Variants in COL8A2 observed in about 807,000 individuals in gnomAD.
COL8A2 encodes the protein collagen type VIII alpha 2 chain, also known as collagen alpha-2(VIII) chain.
Under a neutral mutation model 24.0 loss-of-function variants are expected in COL8A2, and 16 were observed. That is an observed-to-expected ratio of 0.67 (90% CI 0.45 to 1.01). The LOEUF is 1.01. Among genes scored for constraint, COL8A2 ranks in the 50% least tolerant of loss-of-function variants. The pLI, the probability that COL8A2 is intolerant of heterozygous loss-of-function variation, is 0.00. For missense variants in COL8A2, 818 were observed against 942.4 expected, an observed-to-expected ratio of 0.87 and a Z score of 1.73; for synonymous variants, 466 against 424.5, an observed-to-expected ratio of 1.10 and a Z score of -1.20.
rs752036478 is a variant in COL8A2, at chr1:36,098,005, C to T, written c.1676G>A (p.Gly559Glu). 2.6e-5 allele frequency: 42 copies of T among 1,599,708 alleles called. No individual in the cohort carries two copies. In the Admixed American group the frequency reaches 7.1e-4, roughly 27 times the overall value. The change falls in exon 4 of 4, where the codon GGG becomes GAG. Residue 559 changes from glycine to glutamate, a missense_variant. Around this residue, in one of 3 missense-constraint regions of COL8A2, gnomAD observed 235 missense variants for 297.3 expected, o/e 0.79. Coordinates refer to ENST00000397799, the MANE Select transcript of COL8A2 (RefSeq NM_005202.4). The stretch of plus-strand genomic sequence containing the variant: ...GCCCAGCCCAAACTGTGGCTTGCCC[C>T]CCTTGCCCAGCACGGCACCCTCCAC... ...GGVEGAVLGK[G>E]GKPQFGLGEL...
intron 2 of COL8A2, among the ~76,000 whole-genome samples, chr1:36,109,447 C>T (rs1355337722): frequency 6.6e-6 from 1 of 152,202 alleles, no homozygotes. Context: ...CCAGGCAGCC[C>T]CTGGACTCCT....
In COL8A2 at chr1:36,098,121, A is replaced by T; in HGVS notation, c.1560T>A (p.Pro520=). Residue 520 remains proline (P), a synonymous_variant, in exon 4 of 4, where the codon CCT becomes CCA. Transcript: ENST00000397799. ...GVPGSPGITG[P]PGPPGPPGPP... ...GTCCCGGGGGCCCGGGAGGCCCCGG[A>T]GGGCCCGTGATTCCAGGGGAGCCAG... 6.7e-7 allele frequency: 1 copy of T among 1,495,230 alleles called. No individual in the cohort carries two copies. The highest frequency in any genetic ancestry group is 2.4e-5 in the Admixed American group (1 of 41,256). The allele number at this position is 1,495,230 out of a possible 1,614,324, so 92.6% of individuals were successfully genotyped here. A position where few individuals can be genotyped will look rare whatever the true frequency, so the allele number is the denominator to read the frequency against.
At chr1:36,121,361 C>T (rs1643912567) in intron 1 of COL8A2, among the ~76,000 whole-genome samples, 1 of 127,954 alleles carries the variant, frequency 7.8e-6, no homozygotes, top group Non-Finnish European at 1.6e-5. Flanking sequence ...TACACTCCAG[C>T]CTGGGCGACA....
At chr1:36,117,980 A>T (rs1643887797) in intron 1 of COL8A2, among the ~76,000 whole-genome samples, 1 of 152,178 alleles carries the variant, frequency 6.6e-6, no homozygotes, top group Non-Finnish European at 1.5e-5. Context: ...CAGACTGAGA[A>T]ATGCCTTGAA....
intron 2 of COL8A2, among the ~76,000 whole-genome samples, chr1:36,100,513 C>T (rs1399381554): frequency 6.6e-6 from 1 of 152,116 alleles, no homozygotes; most frequent in Non-Finnish European, 1.5e-5. Flanking sequence ...GCCCAGCCTC[C>T]CCAGGACAGC....
intron 2 of COL8A2, among the ~76,000 whole-genome samples, chr1:36,104,090 G>C (rs947299771): frequency 9.9e-5 from 15 of 151,416 alleles, no homozygotes; most frequent in African/African-American, 3.6e-4. Flanking sequence ...GCTACTTGGG[G>C]GGCTGCGGCA....
At chr1:36,114,830 T>C (rs1310215776) in intron 2 of COL8A2, among the ~76,000 whole-genome samples, 1 of 151,870 alleles carries the variant, frequency 6.6e-6, no homozygotes, top group Non-Finnish European at 1.5e-5. Flanking sequence ...GGCCACTTTC[T>C]CTTTGTTGCT....
At chr1:36,100,390 A>T in intron 2 of COL8A2, 132 bp from the exon 3 acceptor site, 1 of 884,326 alleles carries the variant, frequency 1.1e-6, no homozygotes, top group Non-Finnish European at 1.8e-6. Flanking sequence ...GCAATTCCGA[A>T]TTTAGATATT....
intron 1 of COL8A2, among the ~76,000 whole-genome samples, chr1:36,124,708 T>C (rs274125): frequency 0.039 from 5,948 of 152,196 alleles, 399 homozygotes; most frequent in African/African-American, 0.13. Context: ...GCGGCTTTTT[T>C]ATCCCCACTT....
At chr1:36,101,917 G>A (rs1219667725) in intron 2 of COL8A2, among the ~76,000 whole-genome samples, 1 of 152,040 alleles carries the variant, frequency 6.6e-6, no homozygotes, top group African/African-American at 2.4e-5. Flanking sequence ...AGCAGCTCAC[G>A]CCTGTAATCT....
In COL8A2 at chr1:36,095,461, AT is replaced by A. The variant is rs1643547148; in HGVS notation, c.*2107del. On this transcript the variant is annotated 3_prime_UTR_variant, in exon 4 of 4. Transcript: ENST00000397799. ...TTTAAACTTTAATCTTAAAAAAAAA[AT>A]AGGAATCAATATAAAAATGCACAAG... 6.6e-6 allele frequency: 1 copy of A among 152,176 alleles called. No individual in the cohort carries two copies. Among genetic ancestry groups the A allele is most frequent in the Non-Finnish European group, 1.5e-5 (1 of 68,038 alleles). The allele number at this position is 152,176 out of a possible 1,614,324, so 9.4% of individuals were successfully genotyped here. A position where few individuals can be genotyped will look rare whatever the true frequency, so the allele number is the denominator to read the frequency against.
rs539298035 is a variant in COL8A2, at chr1:36,125,016, C to T, written c.-62+41G>A. 5.0e-5 allele frequency: 43 copies of T among 868,642 alleles called. No homozygotes were observed. The East Asian group carries it at 4.6e-3, about 93-fold the overall frequency. The allele number at this position is 868,642 out of a possible 1,614,324, so 53.8% of individuals were successfully genotyped here. ...CCCAGCCCAGGTCTTGCCCTCGGAGCCCCCCAGCCCGAGCCCCGGTGCCCG... is the reference window on the plus strand; with the variant it reads ...CCCAGCCCAGGTCTTGCCCTCGGAGTCCCCCAGCCCGAGCCCCGGTGCCCG... On this transcript the variant is annotated intron_variant, in intron 1 of 3. Coordinates refer to ENST00000397799, the MANE Select transcript of COL8A2 (RefSeq NM_005202.4). This position sits in a 1 kb window ranked among gnomAD's most constrained non-coding sequence, Gnocchi z 4.5.
intron 2 of COL8A2, among the ~76,000 whole-genome samples, chr1:36,110,744 G>A (rs560762263): frequency 2.6e-5 from 4 of 152,188 alleles, no homozygotes; most frequent in African/African-American, 7.2e-5. Context: ...CACCTGCCTC[G>A]GCCTCCCAAA....
chr1:36,114,034 C>T (rs1260322574), intron 2 of COL8A2, among the ~76,000 whole-genome samples: 3 of 151,918 alleles, frequency 2.0e-5, no homozygotes, highest in South Asian at 2.1e-4. Flanking sequence ...AATACAGGTT[C>T]GTGGCTGGGC....
At chr1:36,110,267 TA>T (rs35039453) in intron 2 of COL8A2, among the ~76,000 whole-genome samples, 1,814 of 137,762 alleles carry the variant, frequency 0.013, 17 homozygotes, top group African/African-American at 0.04. Context: ...TGCTCTCATT[TA>T]AAAAAAAAAA....
At chr1:36,108,025 C>G (rs1052578659) in intron 2 of COL8A2, among the ~76,000 whole-genome samples, 1 of 152,230 alleles carries the variant, frequency 6.6e-6, no homozygotes, top group African/African-American at 2.4e-5. Flanking sequence ...GGCTGGCACA[C>G]AGTGATGCTC....
In COL8A2 at chr1:36,095,639, C is replaced by G. The variant is rs1165715599; in HGVS notation, c.*1930G>C. The G allele has an allele frequency of 6.6e-6, 1 of 152,216 alleles. No individual in the cohort carries two copies. Among genetic ancestry groups the G allele is most frequent in the Non-Finnish European group, 1.5e-5 (1 of 68,036 alleles). 9.4% of individuals were successfully genotyped at this position (152,216 alleles called of 1,614,324 possible). ...AATGAAATTTGGCAGAAGCTCAGCT[C>G]TGTGAAATAGCTCCCGTTTTTTTTC... On this transcript the variant is annotated 3_prime_UTR_variant, in exon 4 of 4. Transcript: ENST00000397799.
chr1:36,103,894 AT>A, intron 2 of COL8A2, among the ~76,000 whole-genome samples: 1 of 151,370 alleles, frequency 6.6e-6, no homozygotes, highest in Admixed American at 6.6e-5. Flanking sequence ...CCCACCTGTT[AT>A]TTTTTTAAAG....
chr1:36,107,906 T>C (rs1643783032), intron 2 of COL8A2, among the ~76,000 whole-genome samples: 1 of 152,028 alleles, frequency 6.6e-6, no homozygotes, highest in Admixed American at 6.6e-5. Context: ...GCTGGACGCC[T>C]CCCTTGAGGC....
Sources: allele counts gnomAD v4.1 joint callset (sites outside exome capture counted in the v4.1 genomes callset), GRCh38; gene constraint gnomAD v4.1.1; regional missense constraint gnomAD v4.1.1; non-coding constraint Gnocchi (gnomAD v3.1); transcripts MANE v1.5; gene names NCBI Gene and HGNC (gene_info 2026-07-23, HGNC 2026-07-21).